Variants in CNTLN observed in about 807,000 individuals in gnomAD.
CNTLN encodes centlein, centrosomal protein.
A neutral mutation model predicts 180.0 loss-of-function variants in CNTLN; 212 were observed. That is an observed-to-expected ratio of 1.18 (90% CI 1.05 to 1.32). The LOEUF (loss-of-function observed/expected upper bound fraction) is 1.32, where lower values mean the gene tolerates loss of function less well. CNTLN is among the 40% of genes most tolerant of loss of function. The probability of loss-of-function intolerance (pLI) is 0.00; values close to 1 mark genes in which losing one functional copy is unlikely to be tolerated. For synonymous variants in CNTLN, 722 were observed against 563.1 expected (o/e 1.28, Z -3.99); for missense variants, 2,095 against 1,610.9 (o/e 1.30, Z -5.14).
chr9:17,160,847 A>G (rs1586957350), intron 2 of CNTLN, among the ~76,000 whole-genome samples: 1 of 152,160 alleles, frequency 6.6e-6, no homozygotes, highest in South Asian at 2.1e-4. Flanking sequence ...TTAGACATGC[A>G]TGGCCATCAT....
chr9:17,277,475 T>C (rs1343338574), intron 6 of CNTLN, among the ~76,000 whole-genome samples: 2 of 152,098 alleles, frequency 1.3e-5, no homozygotes, highest in Admixed American at 6.6e-5. Context: ...TAAAATAATC[T>C]GGACTTAAAT....
intron 3 of CNTLN, among the ~76,000 whole-genome samples, chr9:17,226,792 T>C (rs1290017852): frequency 6.6e-6 from 1 of 151,908 alleles, no homozygotes; most frequent in African/African-American, 2.4e-5. Context: ...ACAGGATGCA[T>C]AGCAACATCT....
chr9:17,267,782 A>T (rs1261733559), intron 5 of CNTLN, among the ~76,000 whole-genome samples: 1 of 152,040 alleles, frequency 6.6e-6, no homozygotes. Flanking sequence ...ACTTCATTTC[A>T]TTCATTTCAT....
chr9:17,136,093 GT>G (rs1817696717), intron 1 of CNTLN, among the ~76,000 whole-genome samples: 1 of 152,150 alleles, frequency 6.6e-6, no homozygotes, highest in African/African-American at 2.4e-5. Flanking sequence ...TTACTTTCCT[GT>G]TTGTAGAGTT....
intron 15 of CNTLN, among the ~76,000 whole-genome samples, chr9:17,402,939 C>T (rs1451456578): frequency 6.6e-6 from 1 of 151,720 alleles, no homozygotes; most frequent in Non-Finnish European, 1.5e-5. Flanking sequence ...GGTTCCATTT[C>T]TCCAGAAAAA....
chr9:17,481,053 C>T (rs1832617731), intron 23 of CNTLN, among the ~76,000 whole-genome samples: 1 of 152,156 alleles, frequency 6.6e-6, no homozygotes, highest in South Asian at 2.1e-4. Flanking sequence ...GCAACCTTGC[C>T]AGCCCCAGAT....
intron 7 of CNTLN, among the ~76,000 whole-genome samples, chr9:17,302,378 C>T (rs919815999): frequency 2.0e-5 from 3 of 151,850 alleles, no homozygotes; most frequent in Non-Finnish European, 4.4e-5. Flanking sequence ...TTGTACTTTT[C>T]GATAGAGACT....
chr9:17,320,334 C>T (rs989959556), intron 8 of CNTLN, among the ~76,000 whole-genome samples: 1 of 152,090 alleles, frequency 6.6e-6, no homozygotes, highest in Non-Finnish European at 1.5e-5. Context: ...TGTATACTCA[C>T]CAGCAACTGT....
At chr9:17,291,962 C>T (rs1283757013) in intron 6 of CNTLN, among the ~76,000 whole-genome samples, 1 of 152,098 alleles carries the variant, frequency 6.6e-6, no homozygotes, top group African/African-American at 2.4e-5. Flanking sequence ...ATATTTAGTG[C>T]TTCCTTCAGG....
chr9:17,505,468 G>C (rs972867403), downstream of CNTLN, among the ~76,000 whole-genome samples: 1 of 152,122 alleles, frequency 6.6e-6, no homozygotes, highest in Non-Finnish European at 1.5e-5. Flanking sequence ...TGGAAAGATT[G>C]TGTTTCTATA....
intron 2 of CNTLN, among the ~76,000 whole-genome samples, chr9:17,156,254 A>G (rs1339755171): frequency 6.6e-6 from 1 of 152,194 alleles, no homozygotes; most frequent in Non-Finnish European, 1.5e-5. Flanking sequence ...CCAGTTTACA[A>G]ATTCTGAATC....
Position 17,260,666 on chromosome 9 carries a change from C to G in CNTLN, c.850-13067C>G, listed in dbSNP as rs1826895857. Among the ~76,000 whole-genome samples the G allele has an allele frequency of 1.3e-5, 2 of 151,306 alleles. 1 individual carries two copies. The highest frequency in any genetic ancestry group is 4.9e-5 in the African/African-American group (2 of 40,772). On this transcript the variant is annotated intron_variant, in intron 5 of 25. Transcript: ENST00000380647. ...TAGTTTCTCTTGCTATGCAGAAGCT[C>G]TTTAGCTATGCAGAAGCTCTTTAGT...
intron 8 of CNTLN, among the ~76,000 whole-genome samples, chr9:17,311,905 A>G (rs573213927): frequency 6.6e-6 from 1 of 152,282 alleles, no homozygotes; most frequent in African/African-American, 2.4e-5. Flanking sequence ...CATAAAGAAG[A>G]AGTTGGAGGA....
intron 2 of CNTLN, among the ~76,000 whole-genome samples, chr9:17,158,181 T>C (rs1173046179): frequency 6.6e-6 from 1 of 152,212 alleles, no homozygotes; most frequent in Non-Finnish European, 1.5e-5. Context: ...TTGTATTCTA[T>C]TGATGTGATG....
intron 10 of CNTLN, among the ~76,000 whole-genome samples, chr9:17,337,872 A>T (rs966276494): frequency 6.6e-6 from 1 of 152,096 alleles, no homozygotes; most frequent in African/African-American, 2.4e-5. Context: ...TTGAGGTTCT[A>T]TTTACTCAGT....
intron 21 of CNTLN, 69 bp downstream of exon 21, chr9:17,464,692 C>T (rs1418482299): frequency 2.1e-6 from 2 of 955,382 alleles, no homozygotes; most frequent in African/African-American, 3.5e-5. Flanking sequence ...TTACCACAAA[C>T]ATTTAATCCT....
At chr9:17,269,021 C>T (rs990733162) in intron 5 of CNTLN, among the ~76,000 whole-genome samples, 3 of 152,078 alleles carry the variant, frequency 2.0e-5, no homozygotes, top group African/African-American at 4.8e-5. Context: ...CTCTGGCTAG[C>T]GCACGGTGCG....
chr9:17,251,073 G>A (rs12238680), intron 5 of CNTLN, among the ~76,000 whole-genome samples: 18,878 of 151,864 alleles, frequency 0.12, 1,556 homozygotes, highest in African/African-American at 0.23. Flanking sequence ...TGTTATCTCA[G>A]TGCCTCTGTA....
chr9:17,204,882 C>T (rs781625138), intron 2 of CNTLN, among the ~76,000 whole-genome samples: 4 of 152,190 alleles, frequency 2.6e-5, no homozygotes, highest in Non-Finnish European at 4.4e-5. Context: ...CACAAATGCC[C>T]TGCCCAGTGA....
Sources: gnomAD v4.1 joint callset for allele counts (sites outside exome capture counted in the v4.1 genomes callset) on GRCh38, gnomAD v4.1.1 for gene constraint, MANE v1.5 for transcripts, NCBI Gene and HGNC (gene_info 2026-07-23, HGNC 2026-07-21) for gene names.